The following PTPRT variants were observed in gnomAD, a reference collection of about 807,000 sequenced individuals.
PTPRT encodes the protein protein tyrosine phosphatase receptor type T.
In PTPRT, 56 loss-of-function variants were observed where a neutral mutation model predicts 176.8. The ratio of observed to expected loss-of-function variants is 0.32; its 90% CI spans 0.26 to 0.40. The LOEUF (loss-of-function observed/expected upper bound fraction) is 0.40. PTPRT is among the 10% of genes least tolerant of loss of function. The pLI, the probability that PTPRT is intolerant of heterozygous loss-of-function variation, is 1.00. For synonymous variants in PTPRT, 783 were observed against 739.0 expected, an observed-to-expected ratio of 1.06 and a Z score of -0.96; for missense variants, 1,540 against 1,908.2, an observed-to-expected ratio of 0.81 and a Z score of 3.60.
At chr20:42,662,036 C>A (rs897615322) in intron 7 of PTPRT, among the ~76,000 whole-genome samples, 15 of 152,132 alleles carry the variant, frequency 9.9e-5, no homozygotes, top group Admixed American at 2.6e-4. Context: ...AAAGGGCTAG[C>A]CCCTCAGACT....
chr20:42,121,730 T>C (rs972620039), intron 19 of PTPRT, among the ~76,000 whole-genome samples: 1 of 146,740 alleles, frequency 6.8e-6, no homozygotes, highest in Non-Finnish European at 1.5e-5. Context: ...ATTCCATATA[T>C]ATATGGATAT....
chr20:42,268,043 C>G (rs955057346), intron 13 of PTPRT, among the ~76,000 whole-genome samples: 1 of 152,196 alleles, frequency 6.6e-6, no homozygotes, highest in Middle Eastern at 3.2e-3. Flanking sequence ...GTCCCTGCTA[C>G]ATAATGTGGT....
chr20:43,097,047 A>G (rs1212156488), intron 1 of PTPRT, among the ~76,000 whole-genome samples: 1 of 152,204 alleles, frequency 6.6e-6, no homozygotes, highest in Admixed American at 6.5e-5. Flanking sequence ...CACACAGAAC[A>G]CGAGGCCAAA....
intron 9 of PTPRT, among the ~76,000 whole-genome samples, chr20:42,354,845 C>T (rs143446512): frequency 2.0e-4 from 30 of 151,978 alleles, no homozygotes; most frequent in African/African-American, 2.2e-4. Flanking sequence ...GTAGTGGTGC[C>T]GCATCCTTGA....
Position 42,445,827 on chromosome 20 carries a change from GAGA to G in PTPRT, c.1560+2390_1560+2392del, listed in dbSNP as rs2070723843. ...CAAGGCATCAGATTCACACAGAAGT[GAGA>G]AGGACAACCTGCTCTAATCTGTACC... On this transcript the variant is annotated intron_variant, in intron 9 of 30. Transcript: ENST00000373187. Among the ~76,000 whole-genome samples the G allele has an allele frequency of 2.0e-5, 3 of 152,168 alleles. No individual in the cohort carries two copies. In the South Asian group the frequency reaches 6.2e-4, roughly 32 times the overall value.
rs10588893 is a variant in PTPRT, at chr20:42,372,279, CTTTTTT to C, written c.1561-20000_1561-19995del. Among the ~76,000 whole-genome samples, 8 of 83,664 alleles carry C rather than the reference CTTTTTT, an allele frequency of 9.6e-5. No individual in the cohort carries two copies. The South Asian group carries it at 1.9e-3, about 20-fold the overall frequency. The allele number at this position is 83,664 out of a possible 152,430, so 54.9% of individuals were successfully genotyped here. A position where few individuals can be genotyped will look rare whatever the true frequency, so the allele number is the denominator to read the frequency against. ...AACAGAAGACAGGGTTTTCTTAACT[CTTTTTT>C]TTTTTTTTTTTTTTTTGAGATGGAG... On this transcript the variant is annotated intron_variant, in intron 9 of 30. Coordinates refer to ENST00000373187, the MANE Select transcript of PTPRT (RefSeq NM_007050.6).
intron 1 of PTPRT, among the ~76,000 whole-genome samples, chr20:43,076,110 G>T (rs1394449921): frequency 1.3e-5 from 2 of 152,112 alleles, no homozygotes; most frequent in African/African-American, 4.8e-5. Context: ...ATTGGTTTGG[G>T]ATTTTTTTAA....
chr20:42,971,024 C>T (rs976704377), intron 1 of PTPRT: 1 of 152,208 alleles, frequency 6.6e-6, no homozygotes, highest in African/African-American at 2.4e-5. Context: ...GTTCCCATTG[C>T]AAGAGAAGTG....
chr20:42,982,186 T>C (rs1983321818), intron 1 of PTPRT, among the ~76,000 whole-genome samples: 1 of 152,156 alleles, frequency 6.6e-6, no homozygotes, highest in Admixed American at 6.5e-5. Flanking sequence ...GTGTCATCCA[T>C]GAGTTTCTGC....
At chr20:42,137,744 C>T (rs757383497) in intron 18 of PTPRT, among the ~76,000 whole-genome samples, 1 of 152,200 alleles carries the variant, frequency 6.6e-6, no homozygotes, top group Non-Finnish European at 1.5e-5. Flanking sequence ...TTGGCCTCTC[C>T]ATCCTGAGAG....
chr20:42,997,653 T>C lies in PTPRT; in HGVS notation c.89-111721A>G, dbSNP rs1984297000. ...CACTAAGTTTCTAGGTGGTTTGTTA[T>C]GTATCAATAGTAACTAGGACAGAAA... On this transcript the variant is annotated intron_variant, in intron 1 of 30. Coordinates refer to ENST00000373187, the MANE Select transcript of PTPRT (RefSeq NM_007050.6). Among the ~76,000 whole-genome samples the C allele has an allele frequency of 4.6e-5, 7 of 152,330 alleles. No homozygotes were observed. The South Asian group carries it at 1.2e-3, about 27-fold the overall frequency.
chr20:42,733,571 G>C lies in PTPRT; in HGVS notation c.859+22891C>G, dbSNP rs558633727. 6.6e-4 allele frequency among the ~76,000 whole-genome samples: 101 copies of C among 152,288 alleles called. 1 individual carries two copies. Among genetic ancestry groups the C allele is most frequent in the African/African-American group, 2.4e-3 (100 of 41,566 alleles). ...GGCAGGTCGAACTGGAGCTGGCTGG[G>C]GAGCTCATTAGCACCTCGCCAGAGC... On this transcript the variant is annotated intron_variant, in intron 6 of 30. Coordinates refer to ENST00000373187, the MANE Select transcript of PTPRT (RefSeq NM_007050.6).
At chr20:43,095,334 A>AT (rs1323192821) in intron 1 of PTPRT, among the ~76,000 whole-genome samples, 1 of 151,954 alleles carries the variant, frequency 6.6e-6, no homozygotes. Flanking sequence ...CACTATTATT[A>AT]TTTTTCAGTT....
Position 42,319,229 on chromosome 20 carries a change from C to A in PTPRT, c.1866-3233G>T, listed in dbSNP as rs73273135. On this transcript the variant is annotated intron_variant, in intron 11 of 30. Transcript: ENST00000373187. ...GGTCAAACTGCAGCAAAAGTAGAAACCCAGACTTTTCATTCATAGCTCAGT... is the reference window on the plus strand; with the variant it reads ...GGTCAAACTGCAGCAAAAGTAGAAAACCAGACTTTTCATTCATAGCTCAGT... Among the ~76,000 whole-genome samples, 629 of 151,896 alleles carry A rather than the reference C, an allele frequency of 4.1e-3. 4 individuals are homozygous for A. The highest frequency in any genetic ancestry group is 0.015 in the African/African-American group (605 of 41,390).
chr20:42,719,883 T>A (rs1441122019), intron 6 of PTPRT, among the ~76,000 whole-genome samples: 1 of 152,108 alleles, frequency 6.6e-6, no homozygotes, highest in Admixed American at 6.6e-5. Flanking sequence ...TAAGAACGGA[T>A]GTGGAGAAAG....
intron 15 of PTPRT, among the ~76,000 whole-genome samples, chr20:42,216,484 G>T (rs568242011): frequency 2.6e-5 from 4 of 152,126 alleles, no homozygotes; most frequent in African/African-American, 9.7e-5. Context: ...TGATCTCTTC[G>T]TGATAGGGTA....
chr20:42,561,978 T>A (rs1259616164), intron 7 of PTPRT, among the ~76,000 whole-genome samples: 1 of 152,122 alleles, frequency 6.6e-6, no homozygotes, highest in Non-Finnish European at 1.5e-5. Flanking sequence ...AGTTTTATTC[T>A]CCCCTGGCTC....
At chr20:42,353,144 C>A (rs756535026) in intron 9 of PTPRT, among the ~76,000 whole-genome samples, 1 of 152,192 alleles carries the variant, frequency 6.6e-6, no homozygotes, top group African/African-American at 2.4e-5. Context: ...AGTGCAGTAG[C>A]CCCGTGAGGC....
chr20:42,710,775 G>A lies in PTPRT; in HGVS notation c.860-32616C>T, dbSNP rs1369850912. On this transcript the variant is annotated intron_variant, in intron 6 of 30. Transcript: ENST00000373187. ...AGATCCCAGAATGGTAGAGCCACCAGCAGCTTGTACTCTGAGCCTGAAAAA... is the reference window on the plus strand; with the variant it reads ...AGATCCCAGAATGGTAGAGCCACCAACAGCTTGTACTCTGAGCCTGAAAAA... Among the ~76,000 whole-genome samples the A allele has an allele frequency of 2.0e-5, 3 of 152,258 alleles. No individual in the cohort carries two copies. The East Asian group carries it at 5.8e-4, about 29-fold the overall frequency.
Sources: allele counts gnomAD v4.1 joint callset (sites outside exome capture counted in the v4.1 genomes callset), GRCh38; gene constraint gnomAD v4.1.1; transcripts MANE v1.5; gene names NCBI Gene and HGNC (gene_info 2026-07-23, HGNC 2026-07-21).